The following AKAP6 variants were observed in gnomAD, a reference collection of about 807,000 sequenced individuals.
AKAP6 encodes A-kinase anchoring protein 6.
A neutral mutation model predicts 188.5 loss-of-function variants in AKAP6; 58 were observed. The ratio of observed to expected loss-of-function variants is 0.31; its 90% confidence interval spans 0.25 to 0.38. The LOEUF (loss-of-function observed/expected upper bound fraction) is 0.38, where lower values mean the gene tolerates loss of function less well. Among genes scored for constraint, AKAP6 ranks in the 10% least tolerant of loss-of-function variants. The probability of loss-of-function intolerance (pLI) is 1.00; values close to 1 mark genes in which losing one functional copy is unlikely to be tolerated. For missense variants in AKAP6, 2,710 were observed against 2,740.0 expected (o/e 0.99, Z 0.24); for synonymous variants, 989 against 998.6 (o/e 0.99, Z 0.18).
At position 32,375,721 on chromosome 14, in the gene AKAP6, A is replaced by G. The variant is rs117497312; in HGVS notation, c.-35+46313A>G. ...TCCTTCCTGTTAACAACCCTATTTT[A>G]TAGGTATGCAAATAAGGAAAATCAG... On this transcript the variant is annotated intron_variant, in intron 1 of 13. Coordinates refer to ENST00000280979, the MANE Select transcript of AKAP6 (RefSeq NM_004274.5). Among the ~76,000 whole-genome samples the G allele has an allele frequency of 5.7e-3, 873 of 152,292 alleles. 1 individual carries two copies. Among genetic ancestry groups the G allele is most frequent in the Non-Finnish European group, 9.7e-3 (658 of 68,020 alleles).
chr14:32,715,428 A>G (rs951863372), intron 9 of AKAP6, among the ~76,000 whole-genome samples: 39 of 150,616 alleles, frequency 2.6e-4, no homozygotes, highest in African/African-American at 8.0e-4. Flanking sequence ...TAAGTAATTT[A>G]TAATCTACTT....
intron 12 of AKAP6, among the ~76,000 whole-genome samples, chr14:32,819,431 A>G (rs984043682): frequency 6.6e-6 from 1 of 152,184 alleles, no homozygotes; most frequent in African/African-American, 2.4e-5. Context: ...TACAAGCATC[A>G]TGGGCTGTTT....
At chr14:32,806,131 A>G (rs1222478346) in intron 12 of AKAP6, among the ~76,000 whole-genome samples, 1 of 152,206 alleles carries the variant, frequency 6.6e-6, no homozygotes, top group East Asian at 1.9e-4. Context: ...GTACCATTTG[A>G]GTGCCTGCCA....
intron 11 of AKAP6, among the ~76,000 whole-genome samples, chr14:32,739,179 G>A (rs1177381432): frequency 6.6e-6 from 1 of 151,460 alleles, no homozygotes; most frequent in Admixed American, 6.6e-5. Context: ...TCACCATCCT[G>A]AGACATATTA....
chr14:32,363,784 C>T (rs569639571), intron 1 of AKAP6, among the ~76,000 whole-genome samples: 24 of 152,330 alleles, frequency 1.6e-4, no homozygotes, highest in African/African-American at 5.1e-4. Flanking sequence ...CCCTCACAGA[C>T]ACACCAAGGA....
chr14:32,828,527 TCTCACACACACACACACACACACACA>T (rs2034739031), intron 13 of AKAP6, among the ~76,000 whole-genome samples: 1 of 76,650 alleles, frequency 1.3e-5, no homozygotes, highest in Non-Finnish European at 2.2e-5. Flanking sequence ...TCTCTCTCTC[TCTCACACACACACACACACACACACA>T]CACACACACA....
chr14:32,380,840 A>G (rs1888331623), intron 1 of AKAP6, among the ~76,000 whole-genome samples: 1 of 152,190 alleles, frequency 6.6e-6, no homozygotes, highest in South Asian at 2.1e-4. Context: ...TCGACTTCTC[A>G]AGATTTCTCA....
intron 5 of AKAP6, among the ~76,000 whole-genome samples, chr14:32,593,011 A>AACACACACACAC (rs60277036): frequency 0.023 from 2,875 of 123,846 alleles, 103 homozygotes; most frequent in Middle Eastern, 0.032. Flanking sequence ...CCCCCACCCC[A>AACACACACACAC]ACACACACAC....
intron 7 of AKAP6, among the ~76,000 whole-genome samples, chr14:32,632,092 T>C (rs1001778089): frequency 6.6e-6 from 1 of 152,068 alleles, no homozygotes; most frequent in Non-Finnish European, 1.5e-5. Context: ...GTTTTTTGTT[T>C]TTAATGAGGG....
At position 32,674,373 on chromosome 14, in the gene AKAP6, C is replaced by T. The variant is rs141036457; in HGVS notation, c.2731-3938C>T. 1.7e-3 allele frequency among the ~76,000 whole-genome samples: 252 copies of T among 152,132 alleles called. 2 individuals carry two copies. The highest frequency in any genetic ancestry group is 7.1e-3 in the South Asian group (34 of 4,820). On this transcript the variant is annotated intron_variant, in intron 7 of 13. Transcript: ENST00000280979. ...AAGAGATTAGAGGTCTAAGAATGAG[C>T]GAAGGGAGATACGTGTTAGAAGATA...
chr14:32,771,047 A>G (rs1257929996), intron 11 of AKAP6, among the ~76,000 whole-genome samples: 1 of 152,210 alleles, frequency 6.6e-6, no homozygotes, highest in Non-Finnish European at 1.5e-5. Flanking sequence ...TTATGGAATT[A>G]ATATAAACTA....
At chr14:32,491,541 A>G (rs1233540621) in intron 2 of AKAP6, among the ~76,000 whole-genome samples, 1 of 152,210 alleles carries the variant, frequency 6.6e-6, no homozygotes, top group East Asian at 1.9e-4. Context: ...GAAGGCAGGC[A>G]ATGTGTGATG....
intron 1 of AKAP6, among the ~76,000 whole-genome samples, chr14:32,420,589 G>A (rs1414704713): frequency 3.9e-5 from 6 of 152,126 alleles, no homozygotes; most frequent in African/African-American, 1.4e-4. Context: ...AGTTTTCTAT[G>A]TGTTTATCTC....
At chr14:32,577,547 T>A in intron 5 of AKAP6, among the ~76,000 whole-genome samples, 1 of 152,108 alleles carries the variant, frequency 6.6e-6, no homozygotes, top group East Asian at 1.9e-4. Flanking sequence ...GGTTTTCCCT[T>A]TCTTAAAAAC....
chr14:32,704,518 T>C (rs1300883965), intron 9 of AKAP6, among the ~76,000 whole-genome samples: 1 of 152,218 alleles, frequency 6.6e-6, no homozygotes, highest in Non-Finnish European at 1.5e-5. Flanking sequence ...AGTGACTTCA[T>C]AGCAGTGACC....
intron 9 of AKAP6, among the ~76,000 whole-genome samples, chr14:32,731,699 A>C (rs1324093466): frequency 1.3e-5 from 2 of 152,154 alleles, no homozygotes; most frequent in East Asian, 3.8e-4. Flanking sequence ...ATATAGGACT[A>C]ACTATGGAGT....
chr14:32,561,245 G>A (rs1351639959), intron 4 of AKAP6, among the ~76,000 whole-genome samples: 3 of 152,094 alleles, frequency 2.0e-5, no homozygotes, highest in Admixed American at 2.0e-4. Flanking sequence ...ATAAATATTA[G>A]TTTTATTATT....
intron 1 of AKAP6, among the ~76,000 whole-genome samples, chr14:32,397,252 G>A (rs1473183796): frequency 6.6e-6 from 1 of 152,170 alleles, no homozygotes; most frequent in East Asian, 1.9e-4. Context: ...AGGGTGGTGG[G>A]CAAGGCCATG....
intron 4 of AKAP6, among the ~76,000 whole-genome samples, chr14:32,570,522 G>A (rs1884431688): frequency 6.6e-6 from 1 of 151,950 alleles, no homozygotes. Context: ...AAACAATTTT[G>A]AGATAAAAGA....
Sources: gnomAD v4.1 joint callset for allele counts (sites outside exome capture counted in the v4.1 genomes callset) on GRCh38, gnomAD v4.1.1 for gene constraint, MANE v1.5 for transcripts, NCBI Gene and HGNC (gene_info 2026-07-23, HGNC 2026-07-21) for gene names.